The following RBFOX1 variants were observed in gnomAD, a reference collection of about 807,000 sequenced individuals.
RBFOX1 encodes the protein RNA binding fox-1 homolog 1.
RBFOX1 carries 8 observed loss-of-function variants against 57.7 expected under a neutral mutation model. The observed-to-expected ratio is 0.14, with a 90% confidence interval of 0.08 to 0.25. The LOEUF (loss-of-function observed/expected upper bound fraction) is 0.25, where lower values mean the gene tolerates loss of function less well. RBFOX1 is among the 10% of genes least tolerant of loss of function. The pLI, the probability that RBFOX1 is intolerant of heterozygous loss-of-function variation, is 1.00. For missense variants in RBFOX1, 611 were observed against 548.5 expected (o/e 1.11, Z -1.14); for synonymous variants, 326 against 222.4 (o/e 1.47, Z -4.15).
intron 1 of RBFOX1, among the ~76,000 whole-genome samples, chr16:5,362,167 C>G (rs554406078): frequency 5.9e-5 from 9 of 152,086 alleles, no homozygotes; most frequent in African/African-American, 2.2e-4. Flanking sequence ...CAGCAGATCT[C>G]TAGAACTTAC....
At chr16:6,561,239 C>G (rs1003642368) in intron 2 of RBFOX1, among the ~76,000 whole-genome samples, 2 of 152,232 alleles carry the variant, frequency 1.3e-5, no homozygotes, top group South Asian at 4.2e-4. Flanking sequence ...GGAAAAGATT[C>G]ACGGGGGCAG....
chr16:6,475,106 T>C (rs916680811), intron 2 of RBFOX1, among the ~76,000 whole-genome samples: 1 of 152,238 alleles, frequency 6.6e-6, no homozygotes, highest in Non-Finnish European at 1.5e-5. Context: ...CTGAAGTGGA[T>C]AGACTTCCAA....
At chr16:6,368,707 A>G (rs1440330344) in intron 2 of RBFOX1, among the ~76,000 whole-genome samples, 1 of 152,236 alleles carries the variant, frequency 6.6e-6, no homozygotes, top group Admixed American at 6.5e-5. Flanking sequence ...ACAAATGGTT[A>G]TCAATTAGTC....
intron 3 of RBFOX1, among the ~76,000 whole-genome samples, chr16:6,861,294 A>G (rs989932723): frequency 3.9e-5 from 6 of 152,196 alleles, no homozygotes; most frequent in Admixed American, 6.5e-5. Context: ...TTATACAAAA[A>G]CAAGGTCCCT....
chr16:7,595,465 A>G (rs2094637898), intron 7 of RBFOX1, 84 bp from the exon 8 acceptor site: 1 of 1,097,844 alleles, frequency 9.1e-7, no homozygotes, highest in South Asian at 1.9e-5. Flanking sequence ...AGAAATAGAA[A>G]TTAAAGCGAG....
At chr16:7,146,339 A>G (rs1284685370) in intron 4 of RBFOX1, among the ~76,000 whole-genome samples, 1 of 152,224 alleles carries the variant, frequency 6.6e-6, no homozygotes, top group African/African-American at 2.4e-5. Context: ...ATGCACTTGC[A>G]GTGATGGTCT....
chr16:6,793,883 G>A (rs1000306138), intron 3 of RBFOX1, among the ~76,000 whole-genome samples: 1 of 152,118 alleles, frequency 6.6e-6, no homozygotes, highest in Admixed American at 6.5e-5. Flanking sequence ...TTTTTAAAAA[G>A]GTTATGAAAC....
intron 1 of RBFOX1, among the ~76,000 whole-genome samples, chr16:6,151,639 C>A (rs2152725402): frequency 6.6e-6 from 1 of 152,238 alleles, no homozygotes; most frequent in African/African-American, 2.4e-5. Context: ...TAGATTACAG[C>A]CCAAATATCA....
intron 3 of RBFOX1, chr16:5,867,166 G>T: frequency 2.4e-6 from 1 of 411,194 alleles, no homozygotes; most frequent in Non-Finnish European, 4.2e-6. Context: ...GTGTGTGTGT[G>T]TGTGTGTGGT....
At chr16:7,124,317 G>C (rs1204800011) in intron 4 of RBFOX1, among the ~76,000 whole-genome samples, 1 of 152,148 alleles carries the variant, frequency 6.6e-6, no homozygotes, top group Non-Finnish European at 1.5e-5. Context: ...AGGAGACTGA[G>C]GTGGGAGGAT....
intron 3 of RBFOX1, among the ~76,000 whole-genome samples, chr16:7,021,608 T>A (rs1451439282): frequency 6.8e-6 from 1 of 146,736 alleles, no homozygotes; most frequent in East Asian, 2.0e-4. Flanking sequence ...TTATTTTTTA[T>A]AAAATATAAT....
intron 3 of RBFOX1, among the ~76,000 whole-genome samples, chr16:5,642,657 G>C (rs2048919474): frequency 6.6e-6 from 1 of 152,124 alleles, no homozygotes; most frequent in African/African-American, 2.4e-5. Flanking sequence ...CTGAATAGAA[G>C]CTGGCTAGCC....
intron 3 of RBFOX1, among the ~76,000 whole-genome samples, chr16:6,966,631 A>G (rs1386344009): frequency 6.6e-6 from 1 of 152,174 alleles, no homozygotes; most frequent in African/African-American, 2.4e-5. Context: ...ACAGAGCAAG[A>G]GGCAAGGTGG....
intron 1 of RBFOX1, among the ~76,000 whole-genome samples, chr16:6,191,640 A>T (rs1248903709): frequency 2.6e-5 from 4 of 152,122 alleles, no homozygotes; most frequent in African/African-American, 7.2e-5. Context: ...AGTAATCTGT[A>T]ATTTTTTTGT....
rs116921039 is a variant in RBFOX1, at chr16:5,928,664, G to A, written c.351+61329G>A. Among the ~76,000 whole-genome samples, 1,479 of 150,580 alleles carry A rather than the reference G, an allele frequency of 9.8e-3. 13 individuals carry two copies. Among genetic ancestry groups the A allele is most frequent in the Non-Finnish European group, 0.016 (1,070 of 67,800 alleles). ...TTACACCAGAGCCGATGCTGACCAGGTCCTAGGTGCTTTCACTCTCTGTGC... is the reference window on the plus strand; with the variant it reads ...TTACACCAGAGCCGATGCTGACCAGATCCTAGGTGCTTTCACTCTCTGTGC... On this transcript the variant is annotated intron_variant, in intron 4 of 19. Transcript: ENST00000641259.
chr16:7,572,979 G>C (rs1406502104), intron 5 of RBFOX1, among the ~76,000 whole-genome samples: 2 of 152,070 alleles, frequency 1.3e-5, no homozygotes, highest in African/African-American at 4.8e-5. Context: ...TTACATCCTG[G>C]TAGAAAAGAT....
At chr16:6,107,588 C>G (rs66521157) in intron 1 of RBFOX1, among the ~76,000 whole-genome samples, 103,962 of 151,762 alleles carry the variant, frequency 0.69, 35,974 homozygotes, top group African/African-American at 0.76. Flanking sequence ...AGGATTAATA[C>G]ATGTATGGAT....
At chr16:6,024,246 G>C (rs1228402248) in intron 1 of RBFOX1, among the ~76,000 whole-genome samples, 1 of 152,130 alleles carries the variant, frequency 6.6e-6, no homozygotes, top group Non-Finnish European at 1.5e-5. Flanking sequence ...CCCTGTGCTT[G>C]GTGAATAAGG....
At chr16:5,493,697 T>C (rs1567159849) in intron 2 of RBFOX1, among the ~76,000 whole-genome samples, 1 of 152,168 alleles carries the variant, frequency 6.6e-6, no homozygotes, top group African/African-American at 2.4e-5. Context: ...CCATGCCGAG[T>C]GTTGACACAG....
Sources: allele counts gnomAD v4.1 joint callset (sites outside exome capture counted in the v4.1 genomes callset), GRCh38; gene constraint gnomAD v4.1.1; transcripts MANE v1.5; gene names NCBI Gene and HGNC (gene_info 2026-07-23, HGNC 2026-07-21).